Variants in PARM1 observed in about 807,000 individuals in gnomAD.
The protein encoded by PARM1 is prostate androgen-regulated mucin-like protein 1.
A neutral mutation model predicts 24.6 loss-of-function variants in PARM1; 14 were observed. The observed-to-expected ratio is 0.57, with a 90% CI of 0.38 to 0.89. The LOEUF (loss-of-function observed/expected upper bound fraction) is 0.89, where lower values mean the gene tolerates loss of function less well. Among genes scored for constraint, PARM1 ranks in the 40% least tolerant of loss-of-function variants. The probability of loss-of-function intolerance (pLI) is 0.00; values close to 1 mark genes in which losing one functional copy is unlikely to be tolerated. For missense variants in PARM1, 362 were observed against 380.4 expected (o/e 0.95, Z 0.40); for synonymous variants, 179 against 156.6 (o/e 1.14, Z -1.07).
intron 2 of PARM1, among the ~76,000 whole-genome samples, chr4:75,032,729 G>A (rs1303191269): frequency 3.9e-5 from 6 of 152,280 alleles, no homozygotes; most frequent in African/African-American, 1.4e-4. Context: ...AATAGTTCAT[G>A]GTCACACAGC....
chr4:75,005,456 C>T (rs1392340295), intron 1 of PARM1, among the ~76,000 whole-genome samples: 1 of 152,154 alleles, frequency 6.6e-6, no homozygotes, highest in Non-Finnish European at 1.5e-5. Context: ...GAAAAGGTGA[C>T]AGAGTTCAGG....
chr4:75,015,527 C>G (rs188853662), intron 2 of PARM1, among the ~76,000 whole-genome samples: 1 of 152,276 alleles, frequency 6.6e-6, no homozygotes, highest in Non-Finnish European at 1.5e-5. Flanking sequence ...TTGCATTTAC[C>G]AAGACCCTCT....
intron 1 of PARM1, among the ~76,000 whole-genome samples, chr4:74,990,148 C>A (rs762914778): frequency 1.3e-5 from 2 of 152,036 alleles, no homozygotes; most frequent in African/African-American, 2.4e-5. Context: ...ATGAAAGGCA[C>A]CATTAATGAA....
At chr4:75,030,745 G>T (rs959438197) in intron 2 of PARM1, among the ~76,000 whole-genome samples, 29 of 152,178 alleles carry the variant, frequency 1.9e-4, no homozygotes, top group African/African-American at 7.0e-4. Flanking sequence ...CAATGAGGAA[G>T]AAATGAAACG....
chr4:75,046,142 C>T (rs181276258), intron 3 of PARM1, 21 bp from the exon 4 acceptor site: 1 of 1,564,668 alleles, frequency 6.4e-7, no homozygotes, highest in Non-Finnish European at 8.8e-7. Flanking sequence ...TAATCACAAC[C>T]CTCTTCTGTT....
At chr4:75,031,275 A>G (rs773938430) in intron 2 of PARM1, among the ~76,000 whole-genome samples, 1 of 152,188 alleles carries the variant, frequency 6.6e-6, no homozygotes, top group Non-Finnish European at 1.5e-5. Flanking sequence ...TTTAATTACT[A>G]TCTGTTTTAT....
intron 2 of PARM1, among the ~76,000 whole-genome samples, chr4:75,016,250 G>T (rs529151638): frequency 1.3e-5 from 2 of 152,278 alleles, no homozygotes; most frequent in South Asian, 4.1e-4. Context: ...ATTTACAAAG[G>T]CAAGGAACCA....
chr4:74,960,911 A>G (rs1721758679), intron 1 of PARM1, among the ~76,000 whole-genome samples: 2 of 151,934 alleles, frequency 1.3e-5, no homozygotes, highest in South Asian at 2.1e-4. Context: ...AGGCTGAGGC[A>G]GGAGAATGGC....
chr4:75,005,826 A>G (rs1722759110), intron 1 of PARM1, among the ~76,000 whole-genome samples: 1 of 152,224 alleles, frequency 6.6e-6, no homozygotes, highest in African/African-American at 2.4e-5. Flanking sequence ...AACCACTGCT[A>G]TCTGTAAACT....
intron 2 of PARM1, among the ~76,000 whole-genome samples, chr4:75,014,209 C>T (rs2109796064): frequency 6.6e-6 from 1 of 152,268 alleles, no homozygotes; most frequent in Non-Finnish European, 1.5e-5. Flanking sequence ...AACTGCTTGA[C>T]AGTGGAGGTA....
intron 1 of PARM1, among the ~76,000 whole-genome samples, chr4:74,986,365 T>C (rs1251697304): frequency 2.0e-5 from 3 of 152,200 alleles, no homozygotes; most frequent in Non-Finnish European, 4.4e-5. Context: ...ATTACAGATA[T>C]TACAAATTGC....
At chr4:74,968,763 G>T (rs1219338271) in intron 1 of PARM1, among the ~76,000 whole-genome samples, 2 of 152,088 alleles carry the variant, frequency 1.3e-5, no homozygotes, top group Non-Finnish European at 2.9e-5. Flanking sequence ...ATTTACTTCT[G>T]TTCCCTTTTA....
intron 1 of PARM1, among the ~76,000 whole-genome samples, chr4:75,003,622 G>A (rs985566735): frequency 1.8e-4 from 27 of 152,134 alleles, no homozygotes; most frequent in African/African-American, 6.5e-4. Context: ...CAGTTTGATG[G>A]TTTTGGGGCA....
At chr4:74,974,939 T>C (rs575027310) in intron 1 of PARM1, among the ~76,000 whole-genome samples, 1 of 152,302 alleles carries the variant, frequency 6.6e-6, no homozygotes, top group Non-Finnish European at 1.5e-5. Context: ...GAACCTGACC[T>C]TTTGAGACCC....
intron 2 of PARM1, among the ~76,000 whole-genome samples, chr4:75,016,293 A>G (rs1722985944): frequency 6.6e-6 from 1 of 152,240 alleles, no homozygotes; most frequent in African/African-American, 2.4e-5. Flanking sequence ...ACACACTTGC[A>G]TTCAGAATCC....
chr4:74,934,788 TCTC>T (rs902134676), intron 1 of PARM1, among the ~76,000 whole-genome samples: 5 of 152,174 alleles, frequency 3.3e-5, no homozygotes, highest in Non-Finnish European at 7.3e-5. Context: ...TACCTTTACT[TCTC>T]CTCACTCAAA....
rs1203623804 is a variant in PARM1, at chr4:74,961,127, A to C, written c.43+27757A>C. Among the ~76,000 whole-genome samples the C allele has an allele frequency of 3.9e-5, 6 of 152,194 alleles. No homozygotes were observed. In the East Asian group the frequency reaches 1.2e-3, roughly 29 times the overall value. On this transcript the variant is annotated intron_variant, in intron 1 of 3. Transcript: ENST00000307428. ...AAAGCCTAAAGCAAAACCAAAAGGC[A>C]ATTCTGGAGCTGTGAAGTATAATAA...
chr4:75,046,395 C>T lies in PARM1; in HGVS notation c.*148C>T. On this transcript the variant is annotated 3_prime_UTR_variant, in exon 4 of 4. Transcript: ENST00000307428. ...TTGTTTTTGTTTTCCTCCCTCTCCTCTGGCTGCTACAACTTCCCCTTTCTG... is the reference window on the plus strand; with the variant it reads ...TTGTTTTTGTTTTCCTCCCTCTCCTTTGGCTGCTACAACTTCCCCTTTCTG... 1.8e-6 allele frequency: 1 copy of T among 564,110 alleles called. No individual in the cohort carries two copies. Among genetic ancestry groups the T allele is most frequent in the Non-Finnish European group, 3.2e-6 (1 of 313,168 alleles). The allele number at this position is 564,110 out of a possible 1,614,324, so 34.9% of individuals were successfully genotyped here. A position where few individuals can be genotyped will look rare whatever the true frequency, so the allele number is the denominator to read the frequency against.
chr4:75,025,318 G>A (rs1022545328), intron 2 of PARM1, among the ~76,000 whole-genome samples: 3 of 152,190 alleles, frequency 2.0e-5, no homozygotes, highest in African/African-American at 4.8e-5. Context: ...ACACTTAGCT[G>A]GAGTTGCTAT....
Sources: allele counts gnomAD v4.1 joint callset (sites outside exome capture counted in the v4.1 genomes callset), GRCh38; gene constraint gnomAD v4.1.1; transcripts MANE v1.5; gene names NCBI Gene and HGNC (gene_info 2026-07-23, HGNC 2026-07-21).